The following SPEF2 variants were observed in gnomAD, a reference collection of about 807,000 sequenced individuals.
SPEF2 encodes sperm flagella and cilia-associated protein 2.
SPEF2 carries 187 observed loss-of-function variants against 224.6 expected under a neutral mutation model. The ratio of observed to expected loss-of-function variants is 0.83; its 90% confidence interval spans 0.74 to 0.94. The LOEUF (loss-of-function observed/expected upper bound fraction) is 0.94. Among genes scored for constraint, SPEF2 ranks in the 40% least tolerant of loss-of-function variants. The pLI is 0.00. For synonymous variants in SPEF2, 715 were observed against 707.3 expected (o/e 1.01, Z -0.17); for missense variants, 2,170 against 2,135.6 (o/e 1.02, Z -0.32).
At position 35,759,005 on chromosome 5, in the gene SPEF2, CAAAAAAAAA is replaced by C. The variant is rs57893412; in HGVS notation, c.3469-549_3469-541del. 2.1e-4 allele frequency among the ~76,000 whole-genome samples: 11 copies of C among 51,354 alleles called. No individual in the cohort carries two copies. In the East Asian group the frequency reaches 3.7e-3, roughly 17 times the overall value. The allele number at this position is 51,354 out of a possible 152,430, so 33.7% of individuals were successfully genotyped here. On this transcript the variant is annotated intron_variant, in intron 24 of 36. Transcript: ENST00000356031. ...TGGGTGATAGAGCAAGACTCTGTCT[CAAAAAAAAA>C]AAAAAAAAAAAAAGTAAAGGAAAGA...
chr5:35,734,615 C>T (rs114253760), intron 21 of SPEF2, among the ~76,000 whole-genome samples: 3,592 of 151,976 alleles, frequency 0.024, 73 homozygotes, highest in South Asian at 0.053. Context: ...AACTGCAATG[C>T]TGCTTAATGA....
chr5:35,788,880 A>C (rs1443267811), intron 30 of SPEF2: 2 of 702,994 alleles, frequency 2.8e-6, no homozygotes, highest in Non-Finnish European at 5.2e-6. Context: ...TCTCCTCTTC[A>C]TAAGAGTGCT....
At chr5:35,767,316 T>A (rs967517789) in intron 26 of SPEF2, among the ~76,000 whole-genome samples, 1 of 152,078 alleles carries the variant, frequency 6.6e-6, no homozygotes, top group Admixed American at 6.6e-5. Flanking sequence ...TTGTAAATTA[T>A]ACTTTTAGAA....
intron 21 of SPEF2, among the ~76,000 whole-genome samples, chr5:35,730,518 T>C (rs1745470734): frequency 6.6e-6 from 1 of 152,224 alleles, no homozygotes; most frequent in South Asian, 2.1e-4. Flanking sequence ...CTGACAGACA[T>C]AGGACTCTAC....
chr5:35,694,716 A>G (rs1043126172), intron 13 of SPEF2, among the ~76,000 whole-genome samples: 1 of 152,172 alleles, frequency 6.6e-6, no homozygotes, highest in African/African-American at 2.4e-5. Flanking sequence ...TATGAGTACA[A>G]TTGGGGCTTT....
chr5:35,642,691 A>G (rs543677810), intron 3 of SPEF2, among the ~76,000 whole-genome samples: 1 of 152,372 alleles, frequency 6.6e-6, no homozygotes, highest in South Asian at 2.1e-4. Context: ...TAACTTTTAC[A>G]GGCCTCTGGA....
At chr5:35,775,638 T>C (rs187844446) in intron 28 of SPEF2, among the ~76,000 whole-genome samples, 1 of 152,110 alleles carries the variant, frequency 6.6e-6, no homozygotes, top group East Asian at 1.9e-4. Flanking sequence ...GTAAGACAAA[T>C]TACTCTGGAT....
intron 8 of SPEF2, among the ~76,000 whole-genome samples, chr5:35,665,480 A>G (rs929495610): frequency 7.9e-5 from 12 of 152,130 alleles, no homozygotes; most frequent in African/African-American, 2.7e-4. Context: ...GAAGAGAGAG[A>G]GGGAGATGCG....
intron 26 of SPEF2, among the ~76,000 whole-genome samples, chr5:35,763,941 A>G (rs1362131093): frequency 1.3e-5 from 2 of 152,220 alleles, no homozygotes; most frequent in African/African-American, 4.8e-5. Context: ...TTCCACATGC[A>G]GGGCCTAAAG....
At chr5:35,776,533 A>G (rs1485543636) in intron 29 of SPEF2, 138 bp downstream of exon 29, 1 of 802,550 alleles carries the variant, frequency 1.2e-6, no homozygotes, top group African/African-American at 1.8e-5. Context: ...ACGTGTATAA[A>G]CAGATAATAT....
intron 30 of SPEF2, chr5:35,788,229 C>T (rs1755447768): frequency 1.4e-6 from 1 of 702,920 alleles, no homozygotes; most frequent in Non-Finnish European, 2.6e-6. Context: ...AGCAAAGTAA[C>T]CCTCGGGAGA....
At chr5:35,769,659 C>T (rs1285727232) in intron 26 of SPEF2, among the ~76,000 whole-genome samples, 1 of 152,060 alleles carries the variant, frequency 6.6e-6, no homozygotes, top group Admixed American at 6.6e-5. Context: ...AGCACGAGGC[C>T]CCTTTGGACA....
intron 21 of SPEF2, 151 bp from the exon 22 acceptor site, chr5:35,739,768 T>G: frequency 1.3e-6 from 1 of 758,906 alleles, no homozygotes; most frequent in Non-Finnish European, 2.1e-6. Context: ...GGGAGGCGTG[T>G]GAGAGAAGAG....
chr5:35,675,727 G>A, intron 10 of SPEF2: 1 of 293,240 alleles, frequency 3.4e-6, no homozygotes, highest in South Asian at 3.2e-5. Flanking sequence ...CAACGTGTTA[G>A]CCAGGATTCT....
chr5:35,715,530 C>T (rs138705728), intron 20 of SPEF2, among the ~76,000 whole-genome samples: 1 of 152,098 alleles, frequency 6.6e-6, no homozygotes, highest in East Asian at 1.9e-4. Flanking sequence ...TGATAAATTT[C>T]GTTCAGAATC....
Position 35,695,715 on chromosome 5 carries a change from A to C in SPEF2, c.1976-20A>C, listed in dbSNP as rs1755213534. 6.2e-7 allele frequency: 1 copy of C among 1,600,918 alleles called. No individual in the cohort carries two copies. The highest frequency in any genetic ancestry group is 1.7e-5 in the Admixed American group (1 of 58,432). ...GTGTAAATACCAGAAATTTGTTCTT[A>C]CCACTTTTCCTATTGCTAGGTGCTA... On this transcript the variant is annotated intron_variant, in intron 13 of 36. Coordinates refer to ENST00000356031, the MANE Select transcript of SPEF2 (RefSeq NM_024867.4).
At chr5:35,735,987 C>G (rs942743130) in intron 21 of SPEF2, among the ~76,000 whole-genome samples, 3 of 152,044 alleles carry the variant, frequency 2.0e-5, no homozygotes, top group Non-Finnish European at 2.9e-5. Flanking sequence ...ATGTCCCAAA[C>G]ACTATGGTAA....
chr5:35,783,559 G>T (rs1754641106), intron 30 of SPEF2, among the ~76,000 whole-genome samples: 1 of 152,048 alleles, frequency 6.6e-6, no homozygotes, highest in South Asian at 2.1e-4. Flanking sequence ...ATACAATATT[G>T]ATACAAAGTA....
chr5:35,690,000 A>G (rs903502836), intron 10 of SPEF2, among the ~76,000 whole-genome samples: 1 of 151,894 alleles, frequency 6.6e-6, no homozygotes, highest in African/African-American at 2.4e-5. Flanking sequence ...TTCCATTTTT[A>G]TTTTTACAAG....
Sources: gnomAD v4.1 joint callset for allele counts (sites outside exome capture counted in the v4.1 genomes callset) on GRCh38, gnomAD v4.1.1 for gene constraint, MANE v1.5 for transcripts, NCBI Gene and HGNC (gene_info 2026-07-23, HGNC 2026-07-21) for gene names.